The following RPH3A variants were observed in gnomAD, a reference collection of about 807,000 sequenced individuals.
RPH3A encodes rabphilin 3A.
In RPH3A, 48 loss-of-function variants were observed where a neutral mutation model predicts 102.2. The observed-to-expected ratio is 0.47, with a 90% confidence interval of 0.37 to 0.60. The LOEUF (loss-of-function observed/expected upper bound fraction) is 0.60, where lower values mean the gene tolerates loss of function less well. Ranked by LOEUF, RPH3A falls within the 20% of genes least tolerant of loss-of-function variation. The probability of loss-of-function intolerance (pLI) is 0.00; values close to 1 mark genes in which losing one functional copy is unlikely to be tolerated. For synonymous variants in RPH3A, 310 were observed against 324.3 expected, an observed-to-expected ratio of 0.96 and a Z score of 0.47; for missense variants, 781 against 910.1, an observed-to-expected ratio of 0.86 and a Z score of 1.83.
intron 5 of RPH3A, among the ~76,000 whole-genome samples, chr12:112,857,602 C>T (rs1366519679): frequency 6.6e-6 from 1 of 152,200 alleles, no homozygotes; most frequent in African/African-American, 2.4e-5. Flanking sequence ...TCTCCTAGAG[C>T]CTTCAGAAGG....
intron 1 of RPH3A, among the ~76,000 whole-genome samples, chr12:112,682,710 C>T (rs2040235913): frequency 1.3e-5 from 2 of 152,132 alleles, no homozygotes; most frequent in South Asian, 4.1e-4. Context: ...GAAGTGACAC[C>T]ATCACTTCCA....
intron 1 of RPH3A, among the ~76,000 whole-genome samples, chr12:112,648,710 A>G (rs111654297): frequency 7.1e-6 from 1 of 140,790 alleles, no homozygotes; most frequent in Non-Finnish European, 1.5e-5. Context: ...GTGCCACTGT[A>G]CTCTAGCCTG....
chr12:112,600,087 C>G (rs2039547827), intron 1 of RPH3A, among the ~76,000 whole-genome samples: 1 of 152,150 alleles, frequency 6.6e-6, no homozygotes. Context: ...ACCCTGAACC[C>G]TGAGCCTGGT....
intron 1 of RPH3A, among the ~76,000 whole-genome samples, chr12:112,737,848 G>A (rs145807019): frequency 1.0e-3 from 152 of 152,310 alleles, no homozygotes; most frequent in African/African-American, 3.2e-3. Flanking sequence ...GTGCTGGTCC[G>A]TAAACTGTTG....
intron 5 of RPH3A, among the ~76,000 whole-genome samples, chr12:112,849,386 G>A (rs903077380): frequency 6.6e-6 from 1 of 151,580 alleles, no homozygotes; most frequent in Non-Finnish European, 1.5e-5. Flanking sequence ...TATTTCAGGA[G>A]TGGGAAGTTC....
intron 1 of RPH3A, among the ~76,000 whole-genome samples, chr12:112,685,956 G>A (rs751587101): frequency 2.6e-5 from 4 of 152,172 alleles, no homozygotes; most frequent in Admixed American, 1.3e-4. Flanking sequence ...CTCAAAGGCC[G>A]TTATTTTCTC....
At chr12:112,637,454 A>AG (rs1209662585) in intron 1 of RPH3A, among the ~76,000 whole-genome samples, 1 of 152,142 alleles carries the variant, frequency 6.6e-6, no homozygotes, top group Non-Finnish European at 1.5e-5. Context: ...AGGACTGGGG[A>AG]GGATCATGCT....
chr12:112,579,815 G>A (rs1404233182), intron 1 of RPH3A, among the ~76,000 whole-genome samples: 1 of 152,028 alleles, frequency 6.6e-6, no homozygotes, highest in African/African-American at 2.4e-5. Flanking sequence ...CTGCAGCCTT[G>A]ACCTCTTGGG....
chr12:112,576,242 C>T (rs1431136708), intron 1 of RPH3A, among the ~76,000 whole-genome samples: 1 of 152,228 alleles, frequency 6.6e-6, no homozygotes, highest in Admixed American at 6.5e-5. Context: ...AACCACGCTG[C>T]TGTGCTGAGC....
chr12:112,714,755 G>T (rs924895018), intron 1 of RPH3A, among the ~76,000 whole-genome samples: 2 of 152,088 alleles, frequency 1.3e-5, no homozygotes, highest in Non-Finnish European at 2.9e-5. Context: ...AGGATTTAAG[G>T]CCACACTCAG....
At chr12:112,824,425 G>A (rs747263262) in intron 2 of RPH3A, among the ~76,000 whole-genome samples, 15 of 152,142 alleles carry the variant, frequency 9.9e-5, no homozygotes, top group Non-Finnish European at 2.2e-4. Context: ...GGGATTGGGA[G>A]GATGCACCAG....
chr12:112,877,594 T>C (rs2042831082), intron 13 of RPH3A, among the ~76,000 whole-genome samples: 1 of 151,948 alleles, frequency 6.6e-6, no homozygotes, highest in Non-Finnish European at 1.5e-5. Context: ...CTGATCAAGT[T>C]GGAAAACTGG....
intron 1 of RPH3A, among the ~76,000 whole-genome samples, chr12:112,758,111 A>G (rs1253790075): frequency 6.6e-6 from 1 of 152,186 alleles, no homozygotes; most frequent in African/African-American, 2.4e-5. Context: ...TGTAGAATCC[A>G]GTTGCTCCCC....
chr12:112,707,968 G>C (rs1433333978), intron 1 of RPH3A, among the ~76,000 whole-genome samples: 2 of 152,364 alleles, frequency 1.3e-5, no homozygotes, highest in South Asian at 2.1e-4. Flanking sequence ...GTTTGGATGG[G>C]TAGTGGGCCA....
At chr12:112,855,176 C>T (rs2042390897) in intron 5 of RPH3A, among the ~76,000 whole-genome samples, 1 of 152,164 alleles carries the variant, frequency 6.6e-6, no homozygotes, top group Non-Finnish European at 1.5e-5. Flanking sequence ...CCAGCTCTTC[C>T]ACCCTTGAGC....
chr12:112,596,065 G>A (rs1009873689), intron 1 of RPH3A, among the ~76,000 whole-genome samples: 13 of 152,204 alleles, frequency 8.5e-5, no homozygotes, highest in African/African-American at 3.1e-4. Flanking sequence ...TGTGGACGAA[G>A]GGTGGGTTCT....
chr12:112,874,394 G>T (rs949084869), intron 10 of RPH3A, among the ~76,000 whole-genome samples: 1 of 152,186 alleles, frequency 6.6e-6, no homozygotes, highest in Non-Finnish European at 1.5e-5. Context: ...CTATAAAATG[G>T]AGATCATAAG....
At chr12:112,600,346 C>T (rs947751917) in intron 1 of RPH3A, among the ~76,000 whole-genome samples, 3 of 152,110 alleles carry the variant, frequency 2.0e-5, no homozygotes, top group East Asian at 1.9e-4. Context: ...TCATTATTAC[C>T]GATAACAACC....
At chr12:112,591,340 C>T (rs2039476704) in intron 1 of RPH3A, among the ~76,000 whole-genome samples, 1 of 152,220 alleles carries the variant, frequency 6.6e-6, no homozygotes, top group Non-Finnish European at 1.5e-5. Flanking sequence ...CCCACCTCAG[C>T]CTCTCAAAGT....
Sources: gnomAD v4.1 joint callset for allele counts (sites outside exome capture counted in the v4.1 genomes callset) on GRCh38, gnomAD v4.1.1 for gene constraint, MANE v1.5 for transcripts, NCBI Gene and HGNC (gene_info 2026-07-23, HGNC 2026-07-21) for gene names.